Variants in TFEC observed in about 807,000 individuals in gnomAD.
TFEC encodes the protein class E basic helix-loop-helix protein 34.
A neutral mutation model predicts 41.6 loss-of-function variants in TFEC; 31 were observed. The ratio of observed to expected loss-of-function variants is 0.74; its 90% CI spans 0.56 to 1.01. The LOEUF is 1.01. TFEC is among the 50% of genes least tolerant of loss of function. The pLI is 0.00. For missense variants in TFEC, 402 were observed against 404.1 expected (o/e 0.99, Z 0.04); for synonymous variants, 143 against 140.6 (o/e 1.02, Z -0.12).
intron 1 of TFEC, among the ~76,000 whole-genome samples, chr7:115,989,385 T>C (rs1794002100): frequency 1.3e-5 from 2 of 152,272 alleles, no homozygotes; most frequent in African/African-American, 4.8e-5. Context: ...CACGTTCATC[T>C]CACTGGGGCT....
At chr7:116,097,026 G>A (rs1172794788) in intron 3 of TFEC, among the ~76,000 whole-genome samples, 4 of 151,680 alleles carry the variant, frequency 2.6e-5, no homozygotes. Flanking sequence ...GGAGTCGGAG[G>A]TTGCAGTGAG....
chr7:115,956,828 A>C, intron 3 of TFEC, 35 bp from the exon 4 acceptor site: 1 of 1,377,484 alleles, frequency 7.3e-7, no homozygotes, highest in Admixed American at 2.0e-5. Flanking sequence ...ATTAATAAAA[A>C]CCTTCTGTGC....
rs553815005 is a variant in TFEC at position 115,935,954 on chromosome 7, T to C, written c.*4597A>G. On this transcript the variant is annotated 3_prime_UTR_variant, in exon 8 of 8. Transcript: ENST00000265440. ...TAAAGCAGTAGACAATAGTACTTCA[T>C]CATTAAGTTGGTTGAATCCTGGGAG... The C allele has an allele frequency of 1.3e-5, 2 of 151,674 alleles. No homozygotes were observed. Among genetic ancestry groups the C allele is most frequent in the Admixed American group, 6.6e-5 (1 of 15,216 alleles). The allele number at this position is 151,674 out of a possible 1,614,324, so 9.4% of individuals were successfully genotyped here. A position where few individuals can be genotyped will look rare whatever the true frequency, so the allele number is the denominator to read the frequency against.
At chr7:116,097,241 C>A (rs757366201) in intron 3 of TFEC, among the ~76,000 whole-genome samples, 1 of 152,056 alleles carries the variant, frequency 6.6e-6, no homozygotes, top group Admixed American at 6.5e-5. Flanking sequence ...CATATGTATA[C>A]AGTAGTCCCC....
At position 115,938,786 on chromosome 7, in the gene TFEC, C is replaced by T. The variant is rs1205376485; in HGVS notation, c.*1765G>A. On this transcript the variant is annotated 3_prime_UTR_variant, in exon 8 of 8. Transcript: ENST00000265440. Reference sequence around the variant, plus strand: ...ATATATTTTAGTTTTTAGCATCCTCCCTGCTACTAAAAAGATTTGTTTCTA... The same window carrying T: ...ATATATTTTAGTTTTTAGCATCCTCTCTGCTACTAAAAAGATTTGTTTCTA... The T allele has an allele frequency of 6.6e-6, 1 of 151,738 alleles. No individual in the cohort carries two copies. Among genetic ancestry groups the T allele is most frequent in the Non-Finnish European group, 1.5e-5 (1 of 67,860 alleles). The allele number at this position is 151,738 out of a possible 1,614,324, so 9.4% of individuals were successfully genotyped here.
In TFEC at chr7:116,109,214, T is replaced by C. The variant is rs914017428; in HGVS notation, c.198+1494A>G. On this transcript the variant is annotated intron_variant, in intron 3 of 8. Coordinates refer to the TFEC transcript ENST00000484212. Reference sequence around the variant, plus strand: ...AAAGCAATGGCAACAAAAGCCAAAATTGACAAATGGGATCTAATTAAACTA... The same window carrying C: ...AAAGCAATGGCAACAAAAGCCAAAACTGACAAATGGGATCTAATTAAACTA... Among the ~76,000 whole-genome samples the C allele has an allele frequency of 1.2e-4, 18 of 152,070 alleles. 1 individual carries two copies. Among genetic ancestry groups the C allele is most frequent in the Admixed American group, 6.6e-4 (10 of 15,248 alleles).
chr7:116,154,024 A>G (rs545197824), intron 1 of TFEC, among the ~76,000 whole-genome samples: 1 of 152,322 alleles, frequency 6.6e-6, no homozygotes, highest in South Asian at 2.1e-4. Flanking sequence ...TAAGGAGAGA[A>G]GAGTGTTTCT....
chr7:116,147,775 T>C (rs900194236), intron 1 of TFEC, among the ~76,000 whole-genome samples: 3 of 152,174 alleles, frequency 2.0e-5, no homozygotes, highest in Admixed American at 6.6e-5. Flanking sequence ...ACGTAGAATC[T>C]TATACCCTAT....
At chr7:116,110,407 T>C (rs1279223368) in intron 3 of TFEC, among the ~76,000 whole-genome samples, 1 of 152,122 alleles carries the variant, frequency 6.6e-6, no homozygotes, top group African/African-American at 2.4e-5. Context: ...TGCTCCAAAA[T>C]ATCAAGTAGT....
intron 1 of TFEC, among the ~76,000 whole-genome samples, chr7:116,008,386 C>A (rs1354342009): frequency 6.6e-6 from 1 of 152,046 alleles, no homozygotes; most frequent in African/African-American, 2.4e-5. Flanking sequence ...TGCACATAGG[C>A]ACATATACAT....
At chr7:115,996,351 T>C (rs1226967011) in intron 1 of TFEC, among the ~76,000 whole-genome samples, 1 of 152,056 alleles carries the variant, frequency 6.6e-6, no homozygotes, top group Non-Finnish European at 1.5e-5. Context: ...ACCTACTTCA[T>C]AGCAGGGAAG....
chr7:115,957,256 T>G (rs1792284882), intron 3 of TFEC, among the ~76,000 whole-genome samples: 1 of 151,936 alleles, frequency 6.6e-6, no homozygotes, highest in Non-Finnish European at 1.5e-5. Context: ...TACCAGCAAC[T>G]CACAGTCAAG....
intron 3 of TFEC, among the ~76,000 whole-genome samples, chr7:116,110,027 G>C (rs985545291): frequency 6.6e-6 from 1 of 152,128 alleles, no homozygotes; most frequent in African/African-American, 2.4e-5. Context: ...ACTGAACAAT[G>C]AGAACACTTG....
intron 3 of TFEC, among the ~76,000 whole-genome samples, chr7:116,102,257 G>C (rs1200140479): frequency 1.3e-5 from 2 of 152,130 alleles, no homozygotes; most frequent in Admixed American, 1.3e-4. Context: ...TCAGTGGGAG[G>C]GTTAAGGATA....
At chr7:116,106,981 G>T (rs1249904873) in intron 3 of TFEC, among the ~76,000 whole-genome samples, 1 of 152,098 alleles carries the variant, frequency 6.6e-6, no homozygotes, top group Non-Finnish European at 1.5e-5. Context: ...AAATGTTTAA[G>T]ATTTAGAGAC....
intron 3 of TFEC, among the ~76,000 whole-genome samples, chr7:115,970,319 G>A (rs1426234168): frequency 6.6e-6 from 1 of 151,922 alleles, no homozygotes; most frequent in Non-Finnish European, 1.5e-5. Flanking sequence ...GGATTAGTTT[G>A]CTATTGATTG....
chr7:116,074,047 A>T (rs1168458137), intron 3 of TFEC, among the ~76,000 whole-genome samples: 1 of 151,940 alleles, frequency 6.6e-6, no homozygotes. Flanking sequence ...CCTTCTTCAC[A>T]ACAAACACAT....
intron 3 of TFEC, among the ~76,000 whole-genome samples, chr7:116,093,533 C>T (rs775105164): frequency 1.1e-4 from 17 of 152,228 alleles, no homozygotes; most frequent in East Asian, 3.9e-4. Flanking sequence ...ATGGCTTTAG[C>T]GTGGGTCTGA....
chr7:116,103,371 A>G lies in TFEC; in HGVS notation c.198+7337T>C, dbSNP rs557783100. 1.4e-4 allele frequency among the ~76,000 whole-genome samples: 21 copies of G among 152,358 alleles called. 1 individual carries two copies. In the South Asian group the frequency reaches 4.3e-3, roughly 32 times the overall value. ...AAGCTGCTGCTTACACAGGATTCAGAGCAGTCAGAATGGACAGGTCTCAAA... is the reference window on the plus strand; with the variant it reads ...AAGCTGCTGCTTACACAGGATTCAGGGCAGTCAGAATGGACAGGTCTCAAA... On this transcript the variant is annotated intron_variant, in intron 3 of 8. Coordinates refer to the TFEC transcript ENST00000484212.
Sources: allele counts gnomAD v4.1 joint callset (sites outside exome capture counted in the v4.1 genomes callset), GRCh38; gene constraint gnomAD v4.1.1; transcripts MANE v1.5; gene names NCBI Gene and HGNC (gene_info 2026-07-23, HGNC 2026-07-21).